Variants in GRM4 observed in about 807,000 individuals in gnomAD.
GRM4 encodes the protein glutamate metabotropic receptor 4, also known as metabotropic glutamate receptor 4.
GRM4 carries 28 observed loss-of-function variants against 81.7 expected under a neutral mutation model. The observed-to-expected ratio is 0.34, with a 90% CI of 0.25 to 0.47. The LOEUF is 0.47. Ranked by LOEUF, GRM4 falls within the 20% of genes least tolerant of loss-of-function variation. GRM4 has a pLI of 1.00. For synonymous variants in GRM4, 488 were observed against 528.8 expected (o/e 0.92, Z 1.06); for missense variants, 948 against 1,290.0 (o/e 0.73, Z 4.06).
At chr6:34,025,950 C>A (rs1448007014) in intron 10 of GRM4, among the ~76,000 whole-genome samples, 2 of 152,190 alleles carry the variant, frequency 1.3e-5, no homozygotes, top group African/African-American at 4.8e-5. Context: ...ACTCCCGGAG[C>A]ACCCTCAGTG....
In GRM4 at chr6:34,068,752, G is replaced by T. The variant is rs558691096; in HGVS notation, c.737-6724C>A. 3.3e-5 allele frequency among the ~76,000 whole-genome samples: 5 copies of T among 152,184 alleles called. No homozygotes were observed. The South Asian group carries it at 1.0e-3, about 32-fold the overall frequency. On this transcript the variant is annotated intron_variant, in intron 3 of 10. Coordinates refer to ENST00000538487, the MANE Select transcript of GRM4 (RefSeq NM_000841.4). The surrounding 1 kb of genome is among the most constrained non-coding windows in gnomAD (Gnocchi z 4.2). ...TCCCTGCTGTGGGGAGACAGTCAGGGGTCCCCCAGGCTGTCACCTTGGACA... is the reference window on the plus strand; with the variant it reads ...TCCCTGCTGTGGGGAGACAGTCAGGTGTCCCCCAGGCTGTCACCTTGGACA...
chr6:34,093,570 G>A (rs563979251), intron 2 of GRM4, among the ~76,000 whole-genome samples: 41 of 152,318 alleles, frequency 2.7e-4, no homozygotes, highest in East Asian at 9.6e-4. Context: ...GTGGGACATC[G>A]GGGTGGCAGG....
intron 9 of GRM4, among the ~76,000 whole-genome samples, chr6:34,029,871 G>A (rs1764326844): frequency 6.6e-6 from 1 of 152,264 alleles, no homozygotes; most frequent in South Asian, 2.1e-4. Flanking sequence ...GCGTGGCCCA[G>A]GTCAGGCAGA....
intron 9 of GRM4, among the ~76,000 whole-genome samples, chr6:34,030,031 G>A (rs1417236166): frequency 6.6e-6 from 1 of 152,192 alleles, no homozygotes; most frequent in East Asian, 1.9e-4. Flanking sequence ...TCTCACCCCT[G>A]GGCATGGAGC....
At chr6:34,103,479 G>A in intron 2 of GRM4, 1 of 892,124 alleles carries the variant, frequency 1.1e-6, no homozygotes, top group Non-Finnish European at 1.8e-6. Context: ...GAGCGCCCGA[G>A]AGAGCAGGCG....
Position 34,040,634 on chromosome 6 carries a change from C to T in GRM4, c.1283G>A (p.Cys428Tyr), listed in dbSNP as rs1255656011. The T allele has an allele frequency of 3.1e-6, 5 of 1,614,188 alleles. No homozygotes were observed. Among genetic ancestry groups the T allele is most frequent in the Non-Finnish European group, 4.2e-6 (5 of 1,180,014 alleles). The change falls in exon 7 of 11, where the codon TGT becomes TAT. Residue 428 changes from cysteine (C) to tyrosine (Y), a missense_variant. Transcript: ENST00000538487. ...HALHAMHRDL[C>Y]PGRVGLCPRM... ...CGGGCAGAGCCCCACGCGGCCGGGA[C>T]ACAGGTCACGGTGCATGGCGTGCAG...
At chr6:34,056,775 A>C in intron 5 of GRM4, 91 bp from the exon 6 acceptor site, 4 of 1,397,082 alleles carry the variant, frequency 2.9e-6, no homozygotes, top group Non-Finnish European at 2.9e-6. Context: ...GAGATGGTCC[A>C]GGCGGAGGGA....
chr6:34,086,783 T>G (rs948041312), intron 3 of GRM4, among the ~76,000 whole-genome samples: 6 of 152,218 alleles, frequency 3.9e-5, no homozygotes, highest in Admixed American at 3.9e-4. Context: ...ATTGGTATAA[T>G]GAGCTGTCTT....
At chr6:34,056,371 TCAAGGCCCCGCC>T (rs1472607280) in intron 6 of GRM4, 161 bp downstream of exon 6, 28 of 518,958 alleles carry the variant, frequency 5.4e-5, no homozygotes, top group Non-Finnish European at 9.3e-5. Context: ...GCCCCGCCCC[TCAAGGCCCCGCC>T]CCAGGCCTCC....
At position 34,036,298 on chromosome 6, in the gene GRM4, G is replaced by A. The variant is rs759167645; in HGVS notation, c.1812C>T (p.Phe604=). Residue 604 remains phenylalanine (F), a synonymous_variant, in exon 9 of 11, where the codon TTC becomes TTT. Transcript: ENST00000538487. This position sits in a 1 kb window ranked among gnomAD's most constrained non-coding sequence, Gnocchi z 9.0. ...TGTAGCGCACAAAGGTGATCACCAC[G>A]AACAACGTGGCAGCGATGCCCACCA... ...LAVVGIAATL[F]VVITFVRYND... 9 of 1,614,010 alleles carry A rather than the reference G, an allele frequency of 5.6e-6. No homozygotes were observed. The highest frequency in any genetic ancestry group is 3.3e-5 in the Admixed American group (2 of 60,008).
intron 6 of GRM4, 77 bp downstream of exon 6, chr6:34,056,467 C>G (rs1229956744): frequency 3.0e-6 from 4 of 1,320,162 alleles, no homozygotes; most frequent in Non-Finnish European, 4.2e-6. Context: ...GGGAGACTCT[C>G]GGCCTCAGGC....
chr6:34,123,095 C>A (rs1481104196), intron 2 of GRM4, among the ~76,000 whole-genome samples: 9 of 152,138 alleles, frequency 5.9e-5, no homozygotes, highest in Non-Finnish European at 1.3e-4. Context: ...GCCACGTTAC[C>A]CAAGGTCACA....
rs974430435 is a variant in GRM4 at position 34,040,647 on chromosome 6, G to A, written c.1270C>T (p.His424Tyr). 2 of 1,614,004 alleles carry A rather than the reference G, an allele frequency of 1.2e-6. No homozygotes were observed. Among genetic ancestry groups the A allele is most frequent in the Non-Finnish European group, 1.7e-6 (2 of 1,179,832 alleles). ...YAMGHALHAM[H>Y]RDLCPGRVGL... The stretch of plus-strand genomic sequence containing the variant: ...ACGCGGCCGGGACACAGGTCACGGT[G>A]CATGGCGTGCAGCGCGTGGCCCATG... Residue 424 changes from histidine to tyrosine, a missense_variant, in exon 7 of 11, where the codon CAC becomes TAC. Transcript: ENST00000538487.
rs1764711845 is a variant in GRM4 at position 34,036,370 on chromosome 6, C to T, written c.1740G>A (p.Lys580=). ...RTGCRPIPII[K]LEWGSPWAVL... The stretch of plus-strand genomic sequence containing the variant: ...CGGCCCAGGGCGAGCCCCACTCAAG[C>T]TTGATGATGGGGATGGGCCGGCAGC... The change falls in exon 9 of 11, where the codon AAG becomes AAA. Residue 580 remains lysine, a synonymous_variant. Coordinates refer to ENST00000538487, the MANE Select transcript of GRM4 (RefSeq NM_000841.4). The surrounding 1 kb of genome is among the most constrained non-coding windows in gnomAD (Gnocchi z 9.0). 1 of 1,612,698 alleles carries T rather than the reference C, an allele frequency of 6.2e-7. No individual in the cohort carries two copies. The highest frequency in any genetic ancestry group is 1.1e-5 in the South Asian group (1 of 91,034).
chr6:34,034,014 T>C lies in GRM4; in HGVS notation c.2442+1654A>G, dbSNP rs1277036631. 2.6e-5 allele frequency among the ~76,000 whole-genome samples: 4 copies of C among 152,104 alleles called. No homozygotes were observed. The highest frequency in any genetic ancestry group is 9.7e-5 in the African/African-American group (4 of 41,418). ...TCAGCCTCCCAAAGTGCTGGGATTA[T>C]AGGCATGAGCCACCACACCCAGCCT... On this transcript the variant is annotated intron_variant, in intron 9 of 10. Coordinates refer to ENST00000538487, the MANE Select transcript of GRM4 (RefSeq NM_000841.4). The surrounding 1 kb of genome is among the most constrained non-coding windows in gnomAD (Gnocchi z 4.0).
intron 10 of GRM4, among the ~76,000 whole-genome samples, chr6:34,026,128 T>A (rs1033556890): frequency 6.6e-6 from 1 of 152,212 alleles, no homozygotes; most frequent in African/African-American, 2.4e-5. Context: ...CCGCACCCAA[T>A]CTGCCTGCAA....
At chr6:34,050,612 C>A (rs1272414005) in intron 6 of GRM4, among the ~76,000 whole-genome samples, 1 of 152,176 alleles carries the variant, frequency 6.6e-6, no homozygotes, top group Non-Finnish European at 1.5e-5. Flanking sequence ...TTATGAATTA[C>A]CCAGCCTCAG....
At chr6:34,044,789 GAC>G (rs1562022076) in intron 6 of GRM4, among the ~76,000 whole-genome samples, 1 of 125,070 alleles carries the variant, frequency 8.0e-6, no homozygotes, top group East Asian at 2.4e-4. Flanking sequence ...TACACACACA[GAC>G]ATACATACAT....
intron 6 of GRM4, among the ~76,000 whole-genome samples, chr6:34,052,470 T>A (rs758667774): frequency 4.1e-4 from 62 of 152,296 alleles, no homozygotes; most frequent in Non-Finnish European, 7.2e-4. Context: ...TCTTGGACGG[T>A]CACCAGGCCC....
Sources: allele counts gnomAD v4.1 joint callset (sites outside exome capture counted in the v4.1 genomes callset), GRCh38; gene constraint gnomAD v4.1.1; non-coding constraint Gnocchi (gnomAD v3.1); transcripts MANE v1.5; gene names NCBI Gene and HGNC (gene_info 2026-07-23, HGNC 2026-07-21).